PKD1L1: variants seen among roughly 807,000 people sequenced by gnomAD.
PKD1L1 encodes polycystin-1-like protein 1.
PKD1L1 carries 236 observed loss-of-function variants against 323.4 expected under a neutral mutation model. That is an observed-to-expected ratio of 0.73 (90% CI 0.66 to 0.81). The LOEUF is 0.81. PKD1L1 is among the 40% of genes least tolerant of loss of function. The pLI is 0.00. For missense variants in PKD1L1, 3,320 were observed against 3,508.0 expected (o/e 0.95, Z 1.35); for synonymous variants, 1,344 against 1,335.0 (o/e 1.01, Z -0.15).
At position 47,872,192 on chromosome 7, in the gene PKD1L1, G is replaced by C. The variant is rs551783319; in HGVS notation, c.3896+1707C>G. Among the ~76,000 whole-genome samples the C allele has an allele frequency of 2.1e-4, 32 of 152,246 alleles. No individual in the cohort carries two copies. The South Asian group carries it at 6.6e-3, about 32-fold the overall frequency. On this transcript the variant is annotated intron_variant, in intron 24 of 56. Transcript: ENST00000289672. ...CTACCCCCTGCAGCAGGAGTCTGGA[G>C]CCCCAGTCTGCCCCAGCCAGAGCAA... is the stretch of plus-strand genomic sequence containing the variant.
chr7:47,888,647 G>C (rs1029943523), intron 16 of PKD1L1, among the ~76,000 whole-genome samples: 4 of 152,244 alleles, frequency 2.6e-5, no homozygotes, highest in Non-Finnish European at 4.4e-5. Context: ...TGCTCACAAA[G>C]AAAGATGTCT....
At chr7:47,800,460 G>A (rs1265530649) in intron 54 of PKD1L1, among the ~76,000 whole-genome samples, 189 bp downstream of exon 54, 2 of 152,184 alleles carry the variant, frequency 1.3e-5, no homozygotes, top group Non-Finnish European at 2.9e-5. Context: ...TCTAGAGTAA[G>A]GGAGAGTCAA....
chr7:47,803,230 G>A lies in PKD1L1; in HGVS notation c.7942C>T (p.Pro2648Ser). ...CTTACCCCTGCTACAAAGATGCTGGGGAGTGAGTGGCGCATCATGGAGGAG... is the reference window on the plus strand; with the variant it reads ...CTTACCCCTGCTACAAAGATGCTGGAGAGTGAGTGGCGCATCATGGAGGAG... ...SCSSMMRHSL[P>S]SIFVAGLVGA... The change falls in exon 53 of 57, where the codon CCC (proline) becomes TCC (serine). Residue 2648 changes from proline to serine, a missense_variant. Transcript: ENST00000289672. The A allele has an allele frequency of 6.2e-7, 1 of 1,614,118 alleles. No individual in the cohort carries two copies. Among genetic ancestry groups the A allele is most frequent in the Non-Finnish European group, 8.5e-7 (1 of 1,180,014 alleles).
chr7:47,833,715 A>G (rs2128736049), intron 40 of PKD1L1, among the ~76,000 whole-genome samples: 1 of 152,264 alleles, frequency 6.6e-6, no homozygotes, highest in South Asian at 2.1e-4. Context: ...AGAGAGTTAG[A>G]GCCTGGCAAA....
rs146629266 is a variant in PKD1L1 at position 47,896,959 on chromosome 7, G to A, written c.2271+1029C>T. On this transcript the variant is annotated intron_variant, in intron 14 of 56. Coordinates refer to ENST00000289672, the MANE Select transcript of PKD1L1 (RefSeq NM_138295.5). ...GTTCCCAATCAACATTTCTAAAGAA[G>A]AGTATACAGCCTGCTGGGAAAGCTC... 8.9e-3 allele frequency among the ~76,000 whole-genome samples: 1,351 copies of A among 152,286 alleles called. 17 individuals carry two copies. The highest frequency in any genetic ancestry group is 0.03 in the African/African-American group (1,256 of 41,552).
At chr7:47,779,131 T>G (rs140235933) in intron 56 of PKD1L1, among the ~76,000 whole-genome samples, 1,925 of 151,758 alleles carry the variant, frequency 0.013, 22 homozygotes, top group Middle Eastern at 0.048. Context: ...TTTCCACTTA[T>G]TTTTTAGGCT....
chr7:47,800,511 A>AATC lies in PKD1L1; in HGVS notation c.8193+137_8193+138insGAT, dbSNP rs1486003526. 40 of 860,792 alleles carry AATC rather than the reference A, an allele frequency of 4.6e-5. No individual in the cohort carries two copies. The Admixed American group carries it at 7.9e-4, about 17-fold the overall frequency. The allele number at this position is 860,792 out of a possible 1,614,324, so 53.3% of individuals were successfully genotyped here. A position where few individuals can be genotyped will look rare whatever the true frequency, so the allele number is the denominator to read the frequency against. On this transcript the variant is annotated intron_variant, in intron 54 of 56. Transcript: ENST00000289672. ...CGGACCTGACCTCCCAGGGCAGGTG[A>AATC]GCTGGACGGCAGGGATTCATTACCA...
In PKD1L1 at chr7:47,890,639, A is replaced by G. The variant is rs761905857; in HGVS notation, c.2578T>C (p.Tyr860His). The part of the protein sequence containing the change: ...SFEAQWLSDS[Y>H]DQFLVMLRVS... Reference sequence around the variant, plus strand: ...CTCAGCATCACAAGGAACTGATCATAGCTGTCACTGAGCCATTGTGCCTCA... The same window carrying G: ...CTCAGCATCACAAGGAACTGATCATGGCTGTCACTGAGCCATTGTGCCTCA... The change falls in exon 16 of 57, where the codon TAT becomes CAT. Residue 860 changes from tyrosine to histidine, a missense_variant. Tyr to His is a moderately conservative substitution (Grantham distance 83). Transcript: ENST00000289672. The G allele has an allele frequency of 6.2e-7, 1 of 1,614,068 alleles. No homozygotes were observed. Among genetic ancestry groups the G allele is most frequent in the Non-Finnish European group, 8.5e-7 (1 of 1,180,056 alleles).
rs147466175 is a variant in PKD1L1 at position 47,824,822 on chromosome 7, A to C, written c.6854+2528T>G. ...TGCTTCTACATAGCTGGACACTACT[A>C]CACTGTGTTCCTGTCCCTCCAGCAA... On this transcript the variant is annotated intron_variant, in intron 45 of 56. Transcript: ENST00000289672. 5.1e-3 allele frequency among the ~76,000 whole-genome samples: 780 copies of C among 152,308 alleles called. 9 individuals are homozygous for C. The highest frequency in any genetic ancestry group is 0.017 in the African/African-American group (724 of 41,572).
intron 22 of PKD1L1, among the ~76,000 whole-genome samples, chr7:47,877,156 T>C (rs1356818938): frequency 6.6e-6 from 1 of 152,024 alleles, no homozygotes; most frequent in East Asian, 1.9e-4. Flanking sequence ...TCTCCTCACT[T>C]TGGGTCACGT....
intron 31 of PKD1L1, among the ~76,000 whole-genome samples, chr7:47,849,199 C>T (rs573828497): frequency 1.3e-5 from 2 of 152,138 alleles, no homozygotes; most frequent in Non-Finnish European, 2.9e-5. Flanking sequence ...AAAATCAACT[C>T]GAGCTGGATC....
At position 47,831,349 on chromosome 7, in the gene PKD1L1, G is replaced by C. The variant is rs773437434; in HGVS notation, c.6341C>G (p.Pro2114Arg). 3.7e-6 allele frequency: 6 copies of C among 1,611,464 alleles called. No homozygotes were observed. The highest frequency in any genetic ancestry group is 5.1e-6 in the Non-Finnish European group (6 of 1,179,052). The change falls in exon 42 of 57, where the codon CCC (proline) becomes CGC (arginine). Residue 2114 changes from proline (P) to arginine (R), a missense_variant. Pro to Arg is a moderately radical substitution (Grantham distance 103). Transcript: ENST00000289672. ...SHCCPPHTQA[P>R]SSGLEGLMPQ... is the part of the protein sequence containing the mutation. ...CATTAGTCCCTCCAAACCACTGCTG[G>C]GTGCTGCGGAAGAGTAGGACAGAGA...
chr7:47,886,452 G>A (rs887633753), intron 17 of PKD1L1, among the ~76,000 whole-genome samples: 1 of 152,152 alleles, frequency 6.6e-6, no homozygotes, highest in African/African-American at 2.4e-5. Context: ...TGGTTTGGAT[G>A]TTTTGCCCCT....
At chr7:47,808,112 C>G in intron 52 of PKD1L1, 135 bp downstream of exon 52, 1 of 1,158,340 alleles carries the variant, frequency 8.6e-7, no homozygotes, top group Non-Finnish European at 1.2e-6. Context: ...CTCCCATCTG[C>G]CAGCTCAGAG....
the PKD1L1 span, among the ~76,000 whole-genome samples, chr7:47,960,365 A>AT: frequency 1.4e-3 from 137 of 101,416 alleles, 1 homozygote; most frequent in African/African-American, 4.6e-3. Context: ...AGAATGATCA[A>AT]TAAAAAAAAA....
intron 21 of PKD1L1, among the ~76,000 whole-genome samples, chr7:47,880,282 A>ATTTTTTTT (rs1309864473): frequency 2.6e-4 from 18 of 69,710 alleles, no homozygotes; most frequent in South Asian, 1.1e-3. Context: ...ATATATATAT[A>ATTTTTTTT]TATTTTTTTT....
chr7:47,937,259 T>TGGGGGGGGGGGGGGGGGGGGGG (rs10610147), intron 3 of PKD1L1, among the ~76,000 whole-genome samples: 1 of 73,088 alleles, frequency 1.4e-5, no homozygotes, highest in Non-Finnish European at 2.6e-5. Flanking sequence ...GGGGTGGGGG[T>TGGGGGGGGGGGGGGGGGGGGGG]GGGGGGGGGG....
Position 47,815,362 on chromosome 7 carries a change from G to A in PKD1L1, c.7061C>T (p.Thr2354Ile). 1.2e-6 allele frequency: 2 copies of A among 1,614,146 alleles called. No homozygotes were observed. Among genetic ancestry groups the A allele is most frequent in the South Asian group, 1.1e-5 (1 of 91,078 alleles). Reference sequence around the variant, plus strand: ...AGCCCCCGGCACACGGGCTGACGGGGTGCCTCCCGGGTACAGGCCATCCAG... The same window carrying A: ...AGCCCCCGGCACACGGGCTGACGGGATGCCTCCCGGGTACAGGCCATCCAG... Reference protein sequence around the residue: ...TLLDGLYPGGTPSARVPGAQP... With the variant: ...TLLDGLYPGGIPSARVPGAQP... The change falls in exon 47 of 57, where the codon ACC (threonine) becomes ATC (isoleucine). Residue 2354 changes from threonine (T) to isoleucine (I), a missense_variant. Transcript: ENST00000289672.
chr7:47,794,330 C>T (rs1787023585), intron 55 of PKD1L1, among the ~76,000 whole-genome samples: 1 of 152,162 alleles, frequency 6.6e-6, no homozygotes, highest in Non-Finnish European at 1.5e-5. Flanking sequence ...GTGCTGTGTG[C>T]AGCCTAGAGA....
Sources: allele counts gnomAD v4.1 joint callset (sites outside exome capture counted in the v4.1 genomes callset), GRCh38; gene constraint gnomAD v4.1.1; transcripts MANE v1.5; gene names NCBI Gene and HGNC (gene_info 2026-07-23, HGNC 2026-07-21).